AHNAK2: variants seen among roughly 807,000 people sequenced by gnomAD.
The protein encoded by AHNAK2 is AHNAK nucleoprotein 2.
A neutral mutation model predicts 30.7 loss-of-function variants in AHNAK2; 18 were observed. The ratio of observed to expected loss-of-function variants is 0.59; its 90% CI spans 0.41 to 0.87. The LOEUF is 0.87. AHNAK2 is among the 40% of genes least tolerant of loss of function. The pLI is 0.00. For missense variants in AHNAK2, 8,604 were observed against 7,373.0 expected (o/e 1.17, Z -6.11); for synonymous variants, 3,590 against 3,073.8 (o/e 1.17, Z -5.56).
chr14:104,950,350 G>C lies in AHNAK2; in HGVS notation c.5101C>G (p.Leu1701Val), dbSNP rs1032266009. The C allele has an allele frequency of 6.3e-7, 1 of 1,585,756 alleles. No individual in the cohort carries two copies. Among genetic ancestry groups the C allele is most frequent in the Non-Finnish European group, 8.6e-7 (1 of 1,162,522 alleles). The change falls in exon 7 of 7, where the codon CTG becomes GTG. Residue 1701 changes from leucine (L) to valine (V), a missense_variant. By Grantham distance (32) the Leu-to-Val change is conservative. Coordinates refer to ENST00000333244, the MANE Select transcript of AHNAK2 (RefSeq NM_138420.4). The stretch of plus-strand genomic sequence containing the variant: ...TGAATGCTGAGGTCAGTGGTCTTCA[G>C]GTCCCCCTGCATGGAGGGGAGGCTC... Reference protein sequence around the residue: ...DVSLPSMQGDLKTTDLSIQSP... With the variant: ...DVSLPSMQGDVKTTDLSIQSP...
chr14:104,975,687 T>C (rs1302572682), intron 1 of AHNAK2, among the ~76,000 whole-genome samples: 2 of 152,196 alleles, frequency 1.3e-5, no homozygotes, highest in African/African-American at 2.4e-5. Flanking sequence ...AGTGTCCTTG[T>C]CTGCAGAATG....
rs539146540 is a variant in AHNAK2, at chr14:104,958,539, G to C, written c.56-867C>G. 5.3e-5 allele frequency among the ~76,000 whole-genome samples: 8 copies of C among 152,242 alleles called. 1 individual carries two copies. The South Asian group carries it at 6.2e-4, about 12-fold the overall frequency. ...TATGTTAACAATGGCTCAATGAAGAGAGAATCTCATAAAGAAATAAAACTT... is the reference window on the plus strand; with the variant it reads ...TATGTTAACAATGGCTCAATGAAGACAGAATCTCATAAAGAAATAAAACTT... On this transcript the variant is annotated intron_variant, in intron 1 of 6. Transcript: ENST00000333244.
At position 104,952,959 on chromosome 14, in the gene AHNAK2, C is replaced by T; in HGVS notation, c.2492G>A (p.Ser831Asn). 1 of 1,612,624 alleles carries T rather than the reference C, an allele frequency of 6.2e-7. No individual in the cohort carries two copies. The highest frequency in any genetic ancestry group is 1.1e-5 in the South Asian group (1 of 90,998). ...CTTGAACTTGGGCATTTTGAACTTGCTGTCTTTGGCAGTCACCTCCTTGTC... is the reference window on the plus strand; with the variant it reads ...CTTGAACTTGGGCATTTTGAACTTGTTGTCTTTGGCAGTCACCTCCTTGTC... ...LADKEVTAKDSKFKMPKFKMP... is the reference protein window; with the variant it reads ...LADKEVTAKDNKFKMPKFKMP... Residue 831 changes from serine to asparagine, a missense_variant, in exon 7 of 7, where the codon AGC (serine) becomes AAC (asparagine). By Grantham distance (46) the Ser-to-Asn change is conservative. Transcript: ENST00000333244.
In AHNAK2 at chr14:104,945,707, G is replaced by A. The variant is rs1281363167; in HGVS notation, c.9744C>T (p.Ile3248=). The A allele has an allele frequency of 3.1e-6, 5 of 1,601,266 alleles. No homozygotes were observed. In the African/African-American group the frequency reaches 4.1e-5, roughly 13 times the overall value. The change falls in exon 7 of 7, where the codon ATC becomes ATT. Residue 3248 remains isoleucine (I), a synonymous_variant. Transcript: ENST00000333244. ...KVDRKGPQID[I]KGPKLDLKGP... is the part of the protein sequence containing the mutation. ...CTTTCAGGTCCAGCTTGGGGCCCTTGATGTCTATCTGGGGGCCCTTGCGAT... is the reference window on the plus strand; with the variant it reads ...CTTTCAGGTCCAGCTTGGGGCCCTTAATGTCTATCTGGGGGCCCTTGCGAT...
chr14:104,960,416 A>G (rs1480272651), intron 1 of AHNAK2, among the ~76,000 whole-genome samples: 2 of 152,252 alleles, frequency 1.3e-5, no homozygotes, highest in African/African-American at 4.8e-5. Context: ...ATTAGGTATT[A>G]TAAGTAATCT....
Position 104,949,218 on chromosome 14 carries a change from C to G in AHNAK2, c.6233G>C (p.Ser2078Thr). ...KGHLPKVEMP[S>T]LKMPKVDLKG... ...GAGGTCCACTTTGGGCATCTTCAAA[C>G]TGGGCATCTCCACCTTGGGCAGGTG... Residue 2078 changes from serine (S) to threonine (T), a missense_variant, in exon 7 of 7, where the codon AGT (serine) becomes ACT (threonine). By Grantham distance (58) the Ser-to-Thr change is moderately conservative. Transcript: ENST00000333244. 9.3e-7 allele frequency: 1 copy of G among 1,071,838 alleles called. No homozygotes were observed. Among genetic ancestry groups the G allele is most frequent in the South Asian group, 1.5e-5 (1 of 65,186 alleles). 66.4% of individuals were successfully genotyped at this position (1,071,838 alleles called of 1,614,324 possible).
intron 1 of AHNAK2, among the ~76,000 whole-genome samples, chr14:104,975,535 T>C (rs892530899): frequency 6.6e-6 from 1 of 152,108 alleles, no homozygotes; most frequent in African/African-American, 2.4e-5. Flanking sequence ...ACAGAGGGGC[T>C]CCTTTGCCTG....
chr14:104,970,721 C>G (rs906862059), intron 1 of AHNAK2, among the ~76,000 whole-genome samples: 4 of 152,030 alleles, frequency 2.6e-5, no homozygotes, highest in African/African-American at 9.7e-5. Context: ...TGAGTGCCCA[C>G]CCCCAGCCTG....
intron 1 of AHNAK2, among the ~76,000 whole-genome samples, chr14:104,967,947 G>C (rs1003890561): frequency 6.6e-6 from 1 of 152,226 alleles, no homozygotes; most frequent in South Asian, 2.1e-4. Flanking sequence ...GGCCGCCTTT[G>C]CCCGCCCGGC....
At chr14:104,976,233 G>A (rs1339039192) in intron 1 of AHNAK2, among the ~76,000 whole-genome samples, 1 of 152,202 alleles carries the variant, frequency 6.6e-6, no homozygotes, top group Non-Finnish European at 1.5e-5. Context: ...GAGTGAACTG[G>A]CTGGTGTTAC....
At chr14:104,967,917 C>T (rs1464143996) in intron 1 of AHNAK2, among the ~76,000 whole-genome samples, 2 of 152,212 alleles carry the variant, frequency 1.3e-5, no homozygotes, top group East Asian at 1.9e-4. Context: ...AGCCCCGCCT[C>T]GGCCGCAGAG....
intron 1 of AHNAK2, chr14:104,970,525 A>T: frequency 2.0e-6 from 2 of 985,190 alleles, no homozygotes; most frequent in Non-Finnish European, 2.4e-6. Context: ...TCCCCCTGCC[A>T]CGCCCGGTTC....
rs746788424 is a variant in AHNAK2, at chr14:104,948,759, C to T, written c.6692G>A (p.Gly2231Asp). ...CAGCTTGGGCAGGTGCCCTTTGAGG[C>T]CGACTTCCTCGGGCACAGGGCCCTC... ...LLEGPVPEEV[G>D]LKGHLPKLQM... Residue 2231 changes from glycine to aspartate, a missense_variant, in exon 7 of 7, where the codon GGC (glycine) becomes GAC (aspartate). Gly to Asp is a moderately conservative substitution (Grantham distance 94, BLOSUM62 -1). Transcript: ENST00000333244. 1.9e-6 allele frequency: 3 copies of T among 1,611,968 alleles called. No homozygotes were observed. The highest frequency in any genetic ancestry group is 2.2e-5 in the South Asian group (2 of 91,052).
At position 104,944,117 on chromosome 14, in the gene AHNAK2, G is replaced by C; in HGVS notation, c.11334C>G (p.Ala3778=). ...CCTCCAGCTGTGCACTATCCAGTTTGGCTCTTGGGGCCTGGACGTCCACCT... is the reference window on the plus strand; with the variant it reads ...CCTCCAGCTGTGCACTATCCAGTTTCGCTCTTGGGGCCTGGACGTCCACCT... ...SVEVDVQAPR[A]KLDSAQLEGD... is the part of the protein sequence containing the mutation. The change falls in exon 7 of 7, where the codon GCC becomes GCG. Residue 3778 remains alanine (A), a synonymous_variant. Coordinates refer to ENST00000333244, the MANE Select transcript of AHNAK2 (RefSeq NM_138420.4). 6.2e-7 allele frequency: 1 copy of C among 1,612,822 alleles called. No homozygotes were observed. The highest frequency in any genetic ancestry group is 8.5e-7 in the Non-Finnish European group (1 of 1,179,530).
At position 104,943,227 on chromosome 14, in the gene AHNAK2, C is replaced by A. The variant is rs1193222735; in HGVS notation, c.12224G>T (p.Gly4075Val). ...DLKGPQIDVK[G>V]PKLDLKGPKA... ...GGGGCCTTTCAGGTCCAGCTTGGGG[C>A]CCTTAACATCTATCTGGGGGCCCTT... Residue 4075 changes from glycine (G) to valine (V), a missense_variant, in exon 7 of 7, where the codon GGC (glycine) becomes GTC (valine). Transcript: ENST00000333244. 1 of 1,612,958 alleles carries A rather than the reference C, an allele frequency of 6.2e-7. No homozygotes were observed. The highest frequency in any genetic ancestry group is 1.7e-5 in the Admixed American group (1 of 59,950).
At chr14:104,973,220 CGCACTGAACAGCTAGTCCTG>C (rs1344290341) in intron 1 of AHNAK2, among the ~76,000 whole-genome samples, 1 of 152,226 alleles carries the variant, frequency 6.6e-6, no homozygotes, top group Non-Finnish European at 1.5e-5. Flanking sequence ...TCCCGTGATG[CGCACTGAACAGCTAGTCCTG>C]GCTCAGAGCT....
rs765960819 is a variant in AHNAK2, at chr14:104,948,772, G to A, written c.6679C>T (p.Pro2227Ser). 32 of 1,611,990 alleles carry A rather than the reference G, an allele frequency of 2.0e-5. 1 individual carries two copies. The Admixed American group carries it at 3.0e-4, about 15-fold the overall frequency. The stretch of plus-strand genomic sequence containing the variant: ...TGCCCTTTGAGGCCGACTTCCTCGG[G>A]CACAGGGCCCTCCAGGAGTTTCACG... The part of the protein sequence containing the change: ...VDVKLLEGPV[P>S]EEVGLKGHLP... Residue 2227 changes from proline to serine, a missense_variant, in exon 7 of 7, where the codon CCC (proline) becomes TCC (serine). By Grantham distance (74) the Pro-to-Ser change is moderately conservative. Coordinates refer to ENST00000333244, the MANE Select transcript of AHNAK2 (RefSeq NM_138420.4).
rs188278119 is a variant in AHNAK2 at position 104,951,530 on chromosome 14, G to A, written c.3921C>T (p.Gly1307=). The A allele has an allele frequency of 1.2e-3, 1,454 of 1,244,584 alleles. 265 individuals carry two copies. The African/African-American group carries it at 0.017, about 14-fold the overall frequency. The allele number at this position is 1,244,584 out of a possible 1,614,324, so 77.1% of individuals were successfully genotyped here. A position where few individuals can be genotyped will look rare whatever the true frequency, so the allele number is the denominator to read the frequency against. The change falls in exon 7 of 7, where the codon GGC becomes GGT. Residue 1307 remains glycine (G), a synonymous_variant. Coordinates refer to ENST00000333244, the MANE Select transcript of AHNAK2 (RefSeq NM_138420.4). ...GGGACAGGTCCCCGTCCAGCTGTGC[G>A]CCATCCAACTTGGCTCCCGGGGCCT... ...DMQAPGAKLD[G]AQLDGDLSLA... is the part of the protein sequence containing the mutation.
In AHNAK2 at chr14:104,954,530, C is replaced by T; in HGVS notation, c.921G>A (p.Glu307=). The stretch of plus-strand genomic sequence containing the variant: ...CCGGCCCTGCCTTCTGCTCTTGGCG[C>T]TCCACCGTGAGCTGGGCCTCTGTGT... The part of the protein sequence containing the change: ...STDTEAQLTV[E]RQEQKAGPGS... The change falls in exon 7 of 7, where the codon GAG becomes GAA. Residue 307 remains glutamate, a synonymous_variant. Coordinates refer to ENST00000333244, the MANE Select transcript of AHNAK2 (RefSeq NM_138420.4). This position sits in a 1 kb window ranked among gnomAD's most constrained non-coding sequence, Gnocchi z 4.3. 6.2e-7 allele frequency: 1 copy of T among 1,611,048 alleles called. No homozygotes were observed. Among genetic ancestry groups the T allele is most frequent in the Non-Finnish European group, 8.5e-7 (1 of 1,179,132 alleles).
Sources: allele counts gnomAD v4.1 joint callset (sites outside exome capture counted in the v4.1 genomes callset), GRCh38; gene constraint gnomAD v4.1.1; non-coding constraint Gnocchi (gnomAD v3.1); transcripts MANE v1.5; gene names NCBI Gene and HGNC (gene_info 2026-07-23, HGNC 2026-07-21).